Variants in SPAG16 observed in about 807,000 individuals in gnomAD.
SPAG16 encodes the protein sperm-associated antigen 16 protein.
SPAG16 carries 86 observed loss-of-function variants against 80.4 expected under a neutral mutation model. The observed-to-expected ratio is 1.07, with a 90% CI of 0.90 to 1.28. The LOEUF (loss-of-function observed/expected upper bound fraction) is 1.28, where lower values mean the gene tolerates loss of function less well. SPAG16 is among the 50% of genes most tolerant of loss of function. SPAG16 has a pLI of 0.00. For missense variants in SPAG16, 870 were observed against 765.3 expected (o/e 1.14, Z -1.61); for synonymous variants, 294 against 265.9 (o/e 1.11, Z -1.03).
intron 12 of SPAG16, among the ~76,000 whole-genome samples, chr2:213,956,263 A>AT (rs1369921674): frequency 6.6e-6 from 1 of 151,676 alleles, no homozygotes; most frequent in Non-Finnish European, 1.5e-5. Flanking sequence ...GCCTTTATTG[A>AT]TTTTTTAAAT....
chr2:214,361,155 T>C (rs1699156454), intron 15 of SPAG16, among the ~76,000 whole-genome samples: 1 of 151,888 alleles, frequency 6.6e-6, no homozygotes, highest in African/African-American at 2.4e-5. Flanking sequence ...GCATTTGCTA[T>C]TCACGATGTT....
At chr2:214,103,398 G>C (rs1325690380) in intron 13 of SPAG16, among the ~76,000 whole-genome samples, 1 of 152,136 alleles carries the variant, frequency 6.6e-6, no homozygotes, top group Non-Finnish European at 1.5e-5. Context: ...GGCCACGCCT[G>C]ACCTCTAGTC....
chr2:213,350,872 C>T (rs528551387), intron 7 of SPAG16, among the ~76,000 whole-genome samples: 2 of 152,000 alleles, frequency 1.3e-5, no homozygotes, highest in Admixed American at 1.3e-4. Flanking sequence ...GCCTGTAATC[C>T]CAGCACTTTG....
chr2:213,659,988 T>A (rs1024197926), intron 10 of SPAG16, among the ~76,000 whole-genome samples: 11 of 152,176 alleles, frequency 7.2e-5, no homozygotes, highest in Non-Finnish European at 1.5e-4. Context: ...TTCTTTTTTT[T>A]AAGATGACTG....
At chr2:213,807,835 T>G (rs548047655) in intron 10 of SPAG16, among the ~76,000 whole-genome samples, 1 of 152,348 alleles carries the variant, frequency 6.6e-6, no homozygotes, top group African/African-American at 2.4e-5. Context: ...TTCATAAAGT[T>G]CTTTGCAGTG....
chr2:213,385,807 C>CACACAG lies in SPAG16; in HGVS notation c.942+10693_942+10694insGACACA, dbSNP rs2067400025. Reference sequence around the variant, plus strand: ...TCATCTCTGTCCACACACACACACACACACACACACGTATGACTTCTTGTA... The same window carrying CACACAG: ...TCATCTCTGTCCACACACACACACACACACAGACACACACACGTATGACTTCTTGTA... On this transcript the variant is annotated intron_variant, in intron 9 of 15. Transcript: ENST00000331683. Among the ~76,000 whole-genome samples, 5 of 151,964 alleles carry CACACAG rather than the reference C, an allele frequency of 3.3e-5. No individual in the cohort carries two copies. The South Asian group carries it at 1.0e-3, about 32-fold the overall frequency.
At chr2:213,946,864 A>G (rs966150905) in intron 12 of SPAG16, among the ~76,000 whole-genome samples, 8 of 151,992 alleles carry the variant, frequency 5.3e-5, no homozygotes, top group African/African-American at 1.7e-4. Context: ...TCTCCCGCCT[A>G]CTCTTAACTG....
intron 13 of SPAG16, among the ~76,000 whole-genome samples, chr2:214,056,867 A>G (rs755461015): frequency 1.3e-5 from 2 of 152,158 alleles, no homozygotes; most frequent in Non-Finnish European, 2.9e-5. Context: ...AATTTCAGCA[A>G]TGTTCACAGC....
intron 12 of SPAG16, among the ~76,000 whole-genome samples, chr2:213,930,482 ACAGGCTTGTTATT>A (rs2078702074): frequency 6.6e-6 from 1 of 152,214 alleles, no homozygotes; most frequent in Non-Finnish European, 1.5e-5. Context: ...TCCGCTTTCC[ACAGGCTTGTTATT>A]GCTCTGTACT....
chr2:213,758,181 A>G (rs2068448399), intron 10 of SPAG16: 1 of 152,928 alleles, frequency 6.5e-6, no homozygotes, highest in Admixed American at 6.6e-5. Flanking sequence ...TGGCACAGAG[A>G]TAGCCTACAA....
intron 15 of SPAG16, among the ~76,000 whole-genome samples, chr2:214,159,490 G>T (rs112423297): frequency 6.6e-6 from 1 of 152,022 alleles, no homozygotes; most frequent in African/African-American, 2.4e-5. Context: ...ATCCTTTAAG[G>T]GAAGCTGTAG....
At chr2:213,971,123 A>G (rs938385833) in intron 12 of SPAG16, among the ~76,000 whole-genome samples, 1 of 152,178 alleles carries the variant, frequency 6.6e-6, no homozygotes, top group Non-Finnish European at 1.5e-5. Context: ...CTTCCACTAA[A>G]GTTATATAGT....
chr2:213,833,082 C>A (rs2073767810), intron 10 of SPAG16, among the ~76,000 whole-genome samples: 1 of 151,758 alleles, frequency 6.6e-6, no homozygotes, highest in African/African-American at 2.4e-5. Context: ...CTGTGTTCTT[C>A]CTTCATTTTA....
chr2:214,034,526 G>C (rs2048583591), intron 13 of SPAG16, among the ~76,000 whole-genome samples: 1 of 152,202 alleles, frequency 6.6e-6, no homozygotes, highest in Admixed American at 6.5e-5. Context: ...TGCCTGCCAA[G>C]GGCAAGTGGA....
intron 10 of SPAG16, among the ~76,000 whole-genome samples, chr2:213,745,349 T>C (rs2067769853): frequency 6.6e-6 from 1 of 152,134 alleles, no homozygotes; most frequent in Non-Finnish European, 1.5e-5. Context: ...TTCAAGCAAT[T>C]CTCCTGCCTC....
intron 10 of SPAG16, among the ~76,000 whole-genome samples, chr2:213,777,179 T>A (rs1005735795): frequency 5.9e-5 from 9 of 151,432 alleles, no homozygotes; most frequent in African/African-American, 2.2e-4. Context: ...TCTGACAATA[T>A]ATTAATACTA....
chr2:213,636,983 G>C (rs1436620164), intron 10 of SPAG16, among the ~76,000 whole-genome samples: 2 of 152,104 alleles, frequency 1.3e-5, no homozygotes, highest in Non-Finnish European at 2.9e-5. Context: ...AGGACTTCCA[G>C]TACTATGTTG....
chr2:213,976,135 T>TATATATACACACACACACAC (rs749957411), intron 12 of SPAG16, among the ~76,000 whole-genome samples: 68 of 81,390 alleles, frequency 8.4e-4, no homozygotes, highest in African/African-American at 2.5e-3. Flanking sequence ...TATATATATA[T>TATATATACACACACACACAC]ACACACACAC....
intron 9 of SPAG16, among the ~76,000 whole-genome samples, chr2:213,475,374 A>T (rs1166907129): frequency 6.6e-6 from 1 of 152,194 alleles, no homozygotes; most frequent in Non-Finnish European, 1.5e-5. Flanking sequence ...GCAAAATAAT[A>T]TAAGAAGTTT....
Sources: gnomAD v4.1 joint callset for allele counts (sites outside exome capture counted in the v4.1 genomes callset) on GRCh38, gnomAD v4.1.1 for gene constraint, MANE v1.5 for transcripts, NCBI Gene and HGNC (gene_info 2026-07-23, HGNC 2026-07-21) for gene names.